Variants in UNC13C observed in about 807,000 individuals in gnomAD.
UNC13C encodes protein unc-13 homolog C.
In UNC13C, 174 loss-of-function variants were observed where a neutral mutation model predicts 245.4. The observed-to-expected ratio is 0.71, with a 90% CI of 0.63 to 0.80. The LOEUF (loss-of-function observed/expected upper bound fraction) is 0.80. UNC13C is among the 30% of genes least tolerant of loss of function. The pLI is 0.00. For synonymous variants in UNC13C, 992 were observed against 895.1 expected (o/e 1.11, Z -1.93); for missense variants, 2,829 against 2,602.9 (o/e 1.09, Z -1.89).
intron 19 of UNC13C, among the ~76,000 whole-genome samples, chr15:54,455,238 T>TATATTATATATATAA (rs1416569966): frequency 1.4e-5 from 1 of 70,146 alleles, no homozygotes; most frequent in Non-Finnish European, 2.8e-5. Context: ...TATATATATA[T>TATATTATATATATAA]GTTTTTTAAT....
intron 30 of UNC13C, among the ~76,000 whole-genome samples, chr15:54,579,070 G>A (rs1447084607): frequency 6.6e-6 from 1 of 152,160 alleles, no homozygotes; most frequent in African/African-American, 2.4e-5. Flanking sequence ...CTTGGATGGT[G>A]GAATAGTGAC....
intron 26 of UNC13C, among the ~76,000 whole-genome samples, 175 bp from the exon 27 acceptor site, chr15:54,546,547 T>C (rs1237889654): frequency 6.6e-6 from 1 of 152,212 alleles, no homozygotes; most frequent in East Asian, 1.9e-4. Context: ...GATTTCATTT[T>C]CCATCAAATA....
chr15:54,281,431 T>A (rs2036994690), intron 10 of UNC13C, among the ~76,000 whole-genome samples: 1 of 152,212 alleles, frequency 6.6e-6, no homozygotes, highest in Admixed American at 6.5e-5. Flanking sequence ...ACCAAAGATA[T>A]ACTTAAAGCT....
At chr15:53,939,877 A>G in the UNC13C span, among the ~76,000 whole-genome samples, 2 of 152,080 alleles carry the variant, frequency 1.3e-5, no homozygotes, top group Non-Finnish European at 2.9e-5. Context: ...TGGCTGTTCC[A>G]TTACAGACAG....
chr15:54,564,114 G>A (rs1011124519), intron 29 of UNC13C, among the ~76,000 whole-genome samples: 1 of 151,962 alleles, frequency 6.6e-6, no homozygotes, highest in Non-Finnish European at 1.5e-5. Flanking sequence ...TGTGTCCATT[G>A]AATGGGATAT....
At chr15:54,101,614 TC>T (rs778085873) in intron 2 of UNC13C, among the ~76,000 whole-genome samples, 2 of 151,936 alleles carry the variant, frequency 1.3e-5, no homozygotes, top group South Asian at 4.2e-4. Flanking sequence ...GGAATCTTGC[TC>T]CATTGCCCAG....
At chr15:54,127,988 C>T (rs535540907) in intron 2 of UNC13C, among the ~76,000 whole-genome samples, 1 of 151,900 alleles carries the variant, frequency 6.6e-6, no homozygotes, top group African/African-American at 2.4e-5. Flanking sequence ...TCTCTCTCCT[C>T]TGAAGATACG....
chr15:54,386,921 G>C (rs1271267454), intron 17 of UNC13C, among the ~76,000 whole-genome samples: 3 of 152,148 alleles, frequency 2.0e-5, no homozygotes, highest in Admixed American at 6.6e-5. Context: ...AGAGGACTTA[G>C]AGAAATTCTC....
chr15:53,852,023 G>C, the UNC13C span, among the ~76,000 whole-genome samples: 2 of 152,206 alleles, frequency 1.3e-5, no homozygotes, highest in African/African-American at 4.8e-5. Context: ...GATCCAAAGA[G>C]GGAGCTGTGG....
chr15:54,197,237 G>A (rs1266823582), intron 4 of UNC13C, among the ~76,000 whole-genome samples: 2 of 152,122 alleles, frequency 1.3e-5, no homozygotes, highest in Admixed American at 6.5e-5. Flanking sequence ...AGCACTTTGG[G>A]AAGCCAAGGC....
intron 4 of UNC13C, among the ~76,000 whole-genome samples, chr15:54,200,151 T>C (rs2034477935): frequency 6.6e-6 from 1 of 152,092 alleles, no homozygotes; most frequent in Non-Finnish European, 1.5e-5. Context: ...TGAATATATG[T>C]GCACCTAACA....
chr15:54,000,949 A>G (rs930716921), intron 1 of UNC13C, among the ~76,000 whole-genome samples: 8 of 152,212 alleles, frequency 5.3e-5, no homozygotes, highest in South Asian at 2.1e-4. Context: ...CAACACTTAG[A>G]GAAATACAAA....
chr15:54,542,514 T>TC (rs1339701630), intron 26 of UNC13C, among the ~76,000 whole-genome samples: 1 of 152,162 alleles, frequency 6.6e-6, no homozygotes, highest in Non-Finnish European at 1.5e-5. Flanking sequence ...GTCTATTAGG[T>TC]CCACTTGGTC....
intron 13 of UNC13C, 70 bp downstream of exon 13, chr15:54,300,443 C>T: frequency 1.4e-6 from 2 of 1,384,194 alleles, no homozygotes; most frequent in Non-Finnish European, 1.9e-6. Context: ...GAGCGTTCAT[C>T]TCACTTCTAA....
chr15:54,456,361 T>C (rs976479912), intron 19 of UNC13C, among the ~76,000 whole-genome samples: 24 of 152,160 alleles, frequency 1.6e-4, no homozygotes, highest in African/African-American at 5.8e-4. Flanking sequence ...ATATGAACTT[T>C]AGGATTGTTC....
In UNC13C at chr15:54,151,499, C is replaced by A. The variant is rs560523793; in HGVS notation, c.3071+7815C>A. Among the ~76,000 whole-genome samples, 5 of 152,116 alleles carry A rather than the reference C, an allele frequency of 3.3e-5. No individual in the cohort carries two copies. In the East Asian group the frequency reaches 9.7e-4, roughly 30 times the overall value. ...CTGACTGCAACCTCCGCCTCCTGGG[C>A]TAAAGTGATTCTCTCGCCTCAGCCT... is the stretch of plus-strand genomic sequence containing the variant. On this transcript the variant is annotated intron_variant, in intron 4 of 32. Coordinates refer to ENST00000260323, the MANE Select transcript of UNC13C (RefSeq NM_001080534.3).
chr15:53,881,062 A>G, the UNC13C span, among the ~76,000 whole-genome samples: 3 of 152,154 alleles, frequency 2.0e-5, no homozygotes, highest in African/African-American at 7.2e-5. Context: ...AGTTTTCAGC[A>G]GTGTGTGTGA....
chr15:54,172,693 T>TGCAC lies in UNC13C; in HGVS notation c.3071+29009_3071+29010insGCAC, dbSNP rs1555426484. On this transcript the variant is annotated intron_variant, in intron 4 of 32. Coordinates refer to ENST00000260323, the MANE Select transcript of UNC13C (RefSeq NM_001080534.3). ...TATATTAATTTATGACAAAGTCAAA[T>TGCAC]ACACACACAGATATATATATATATA... Among the ~76,000 whole-genome samples the TGCAC allele has an allele frequency of 1.1e-4, 10 of 88,496 alleles. No homozygotes were observed. In the South Asian group the frequency reaches 1.4e-3, roughly 12 times the overall value. The allele number at this position is 88,496 out of a possible 152,430, so 58.1% of individuals were successfully genotyped here. A position where few individuals can be genotyped will look rare whatever the true frequency, so the allele number is the denominator to read the frequency against.
At chr15:54,470,845 T>C (rs1892425511) in intron 19 of UNC13C, among the ~76,000 whole-genome samples, 1 of 151,374 alleles carries the variant, frequency 6.6e-6, no homozygotes, top group African/African-American at 2.4e-5. Flanking sequence ...TTTTTTACTT[T>C]TAGATCTTTC....
Sources: gnomAD v4.1 joint callset for allele counts (sites outside exome capture counted in the v4.1 genomes callset) on GRCh38, gnomAD v4.1.1 for gene constraint, MANE v1.5 for transcripts, NCBI Gene and HGNC (gene_info 2026-07-23, HGNC 2026-07-21) for gene names.